RCAN3: variants seen among roughly 807,000 people sequenced by gnomAD.
The protein encoded by RCAN3 is calcipressin-3.
A neutral mutation model predicts 21.9 loss-of-function variants in RCAN3; 19 were observed. The ratio of observed to expected loss-of-function variants is 0.87; its 90% CI spans 0.61 to 1.27. The LOEUF (loss-of-function observed/expected upper bound fraction) is 1.27. Ranked by LOEUF, RCAN3 falls within the 50% of genes most tolerant of loss-of-function variation. The probability of loss-of-function intolerance (pLI) is 0.00; values close to 1 mark genes in which losing one functional copy is unlikely to be tolerated. For synonymous variants in RCAN3, 114 were observed against 112.3 expected (o/e 1.01, Z -0.09); for missense variants, 240 against 300.1 (o/e 0.80, Z 1.48).
In RCAN3 at chr1:24,535,241, G is replaced by A; in HGVS notation, c.690G>A (p.Ala230=). The A allele has an allele frequency of 1.9e-6, 3 of 1,578,454 alleles. No individual in the cohort carries two copies. The highest frequency in any genetic ancestry group is 2.3e-5 in the East Asian group (1 of 43,078). The part of the protein sequence containing the change: ...QTRRPDPPTA[A]LNEPQTFDCA... ...GGCGCCCCGACCCTCCGACCGCAGCGTTGAATGAGCCCCAGACCTTTGATT... is the reference window on the plus strand; with the variant it reads ...GGCGCCCCGACCCTCCGACCGCAGCATTGAATGAGCCCCAGACCTTTGATT... The change falls in exon 5 of 5, where the codon GCG becomes GCA. Residue 230 remains alanine (A), a synonymous_variant. Transcript: ENST00000374395.
At chr1:24,518,732 A>G (rs925867566) in intron 2 of RCAN3, among the ~76,000 whole-genome samples, 1 of 152,022 alleles carries the variant, frequency 6.6e-6, no homozygotes, top group Non-Finnish European at 1.5e-5. Context: ...AGCTGGGACT[A>G]TAGGCATGCA....
intron 2 of RCAN3, among the ~76,000 whole-genome samples, chr1:24,518,513 A>C (rs1469689873): frequency 6.6e-6 from 1 of 151,456 alleles, no homozygotes; most frequent in South Asian, 2.1e-4. Flanking sequence ...TTAGTGCTTC[A>C]TTTTTCTTTG....
chr1:24,516,319 A>C (rs1648318703), intron 2 of RCAN3, among the ~76,000 whole-genome samples: 1 of 152,104 alleles, frequency 6.6e-6, no homozygotes, highest in Admixed American at 6.6e-5. Flanking sequence ...AATAATAATA[A>C]TAATTTAAAT....
In RCAN3 at chr1:24,514,513, C is replaced by T. The variant is rs778507882; in HGVS notation, c.141C>T (p.Thr47=). Residue 47 remains threonine, a synonymous_variant, in exon 2 of 5, where the codon ACC becomes ACT. Coordinates refer to ENST00000374395, the MANE Select transcript of RCAN3 (RefSeq NM_013441.4). ...TGATGGATTTAAGTGATCTGCCTACCTCACTTTTTGCTTGCAGCGTCCATG... is the reference window on the plus strand; with the variant it reads ...TGATGGATTTAAGTGATCTGCCTACTTCACTTTTTGCTTGCAGCGTCCATG... ...DEMMDLSDLP[T]SLFACSVHEA... is the part of the protein sequence containing the mutation. 5.0e-6 allele frequency: 8 copies of T among 1,613,958 alleles called. No homozygotes were observed. The highest frequency in any genetic ancestry group is 6.8e-6 in the Non-Finnish European group (8 of 1,180,020).
intron 2 of RCAN3, among the ~76,000 whole-genome samples, chr1:24,522,901 C>T (rs1240016005): frequency 1.3e-5 from 2 of 152,174 alleles, no homozygotes; most frequent in African/African-American, 4.8e-5. Context: ...CCCATGTCTC[C>T]TCCCAGAGAT....
At chr1:24,505,381 AGGCGTGCACCATGTGTTTTTT>A (rs1202330011) in intron 1 of RCAN3, among the ~76,000 whole-genome samples, 2 of 151,538 alleles carry the variant, frequency 1.3e-5, no homozygotes, top group African/African-American at 4.8e-5. Context: ...CTGGGACTAC[AGGCGTGCACCATGTGTTTTTT>A]TGTAGAGACG....
In RCAN3 at chr1:24,536,391, C is replaced by T. The variant is rs1423089555; in HGVS notation, c.*1114C>T. ...TTTTCTTTTTGTTGAAATTTTGTAC[C>T]CGGATTGCAGTTGGCACTTTTCCTA... On this transcript the variant is annotated 3_prime_UTR_variant, in exon 5 of 5. Coordinates refer to ENST00000374395, the MANE Select transcript of RCAN3 (RefSeq NM_013441.4). The T allele has an allele frequency of 6.6e-6, 1 of 152,112 alleles. No individual in the cohort carries two copies. The highest frequency in any genetic ancestry group is 6.6e-5 in the Admixed American group (1 of 15,258). The allele number at this position is 152,112 out of a possible 1,614,324, so 9.4% of individuals were successfully genotyped here. A position where few individuals can be genotyped will look rare whatever the true frequency, so the allele number is the denominator to read the frequency against.
intron 2 of RCAN3, among the ~76,000 whole-genome samples, chr1:24,524,830 T>A (rs1022420413): frequency 3.3e-5 from 3 of 91,922 alleles, no homozygotes; most frequent in Non-Finnish European, 4.2e-5. Context: ...TTTCTTTTGT[T>A]TTTTTTTTTT....
intron 2 of RCAN3, among the ~76,000 whole-genome samples, chr1:24,530,517 G>A (rs893028724): frequency 3.3e-5 from 5 of 151,972 alleles, no homozygotes; most frequent in Admixed American, 2.0e-4. Context: ...GAAAAGCAAG[G>A]GAATGATAAA....
intron 2 of RCAN3, among the ~76,000 whole-genome samples, chr1:24,522,017 A>G (rs1648861523): frequency 6.6e-6 from 1 of 152,146 alleles, no homozygotes; most frequent in Admixed American, 6.5e-5. Flanking sequence ...TGTACTTAAT[A>G]CCACTGACTT....
rs1401921531 is a variant in RCAN3 at position 24,536,494 on chromosome 1, T to G, written c.*1217T>G. On this transcript the variant is annotated 3_prime_UTR_variant, in exon 5 of 5. Coordinates refer to ENST00000374395, the MANE Select transcript of RCAN3 (RefSeq NM_013441.4). ...AGAAGCAGCAGGATCTTTTTAACTC[T>G]CTCTGGTCTGTTTAGACTTTGAAGT... 1.3e-5 allele frequency: 2 copies of G among 152,228 alleles called. No homozygotes were observed. The highest frequency in any genetic ancestry group is 2.9e-5 in the Non-Finnish European group (2 of 68,042). The allele number at this position is 152,228 out of a possible 1,614,324, so 9.4% of individuals were successfully genotyped here. A position where few individuals can be genotyped will look rare whatever the true frequency, so the allele number is the denominator to read the frequency against.
intron 1 of RCAN3, among the ~76,000 whole-genome samples, chr1:24,506,004 C>T (rs1215704811): frequency 1.3e-5 from 2 of 152,226 alleles, no homozygotes; most frequent in Non-Finnish European, 2.9e-5. Context: ...GGAGTTTTTC[C>T]ACTCATTTGA....
chr1:24,514,862 G>A (rs982395536), intron 2 of RCAN3, among the ~76,000 whole-genome samples: 5 of 151,736 alleles, frequency 3.3e-5, no homozygotes, highest in Non-Finnish European at 2.9e-5. Flanking sequence ...CCAGCTACTC[G>A]CAGGGCTGAG....
intron 2 of RCAN3, among the ~76,000 whole-genome samples, chr1:24,530,879 C>T (rs537631412): frequency 2.3e-4 from 35 of 151,958 alleles, no homozygotes; most frequent in Non-Finnish European, 4.3e-4. Flanking sequence ...GCATGGTGGC[C>T]GGCCCCTATA....
chr1:24,538,716 T>G lies in RCAN3; in HGVS notation c.*3439T>G, dbSNP rs908517644. ...AGGCGTGAGCCACTGCGCCCGGCCT[T>G]AAATAAAATATTGTAGTCATTAATG... On this transcript the variant is annotated 3_prime_UTR_variant, in exon 5 of 5. Coordinates refer to ENST00000374395, the MANE Select transcript of RCAN3 (RefSeq NM_013441.4). The G allele has an allele frequency of 1.6e-4, 24 of 152,076 alleles. No homozygotes were observed. The highest frequency in any genetic ancestry group is 5.8e-4 in the African/African-American group (24 of 41,472). 9.4% of individuals were successfully genotyped at this position (152,076 alleles called of 1,614,324 possible).
chr1:24,521,668 T>C (rs1164013320), intron 2 of RCAN3, among the ~76,000 whole-genome samples: 1 of 152,106 alleles, frequency 6.6e-6, no homozygotes, highest in Non-Finnish European at 1.5e-5. Context: ...GCAAACATGA[T>C]GAAACCCCAC....
rs1398347987 is a variant in RCAN3 at position 24,514,469 on chromosome 1, G to T, written c.97G>T (p.Glu33Ter). 2.5e-6 allele frequency: 4 copies of T among 1,614,006 alleles called. No individual in the cohort carries two copies. The highest frequency in any genetic ancestry group is 2.5e-6 in the Non-Finnish European group (3 of 1,180,020). Residue 33 changes from glutamate (E) to a stop codon, truncating the protein, a stop_gained, in exon 2 of 5, where the codon GAA becomes TAA. Transcript: ENST00000374395. LOFTEE classifies it high-confidence loss of function. The part of the protein sequence containing the change: ...EEEEMIFGEN[E>*]DDLDEMMDLS... ...AGAAGAGATGATTTTTGGTGAAAAT[G>T]AAGATGATTTGGATGAGATGATGGA...
chr1:24,533,097 C>A lies in RCAN3; in HGVS notation c.384C>A (p.Gly128=), dbSNP rs34116411. Residue 128 remains glycine (G), a synonymous_variant, in exon 4 of 5, where the codon GGC becomes GGA. Coordinates refer to ENST00000374395, the MANE Select transcript of RCAN3 (RefSeq NM_013441.4). The part of the protein sequence containing the change: ...KLYFAQVQMS[G]EVRDKSYLLP... ...GCTCCCTGCAGGTGCAGATGTCCGG[C>A]GAAGTGCGGGACAAGTCCTATCTCC... The A allele has an allele frequency of 4.7e-6, 7 of 1,493,640 alleles. No individual in the cohort carries two copies. The highest frequency in any genetic ancestry group is 6.2e-6 in the Non-Finnish European group (7 of 1,122,742). 92.5% of individuals were successfully genotyped at this position (1,493,640 alleles called of 1,614,324 possible).
At position 24,513,015 on chromosome 1, in the gene RCAN3, A is replaced by G. The variant is rs182198179; in HGVS notation, c.-59-1299A>G. On this transcript the variant is annotated intron_variant, in intron 1 of 4. Coordinates refer to ENST00000374395, the MANE Select transcript of RCAN3 (RefSeq NM_013441.4). ...CGCTTTAGGAGGCCGAGTTGGGCGGATCACCAGGTCAGGAGATCGAGACCA... is the reference window on the plus strand; with the variant it reads ...CGCTTTAGGAGGCCGAGTTGGGCGGGTCACCAGGTCAGGAGATCGAGACCA... Among the ~76,000 whole-genome samples the G allele has an allele frequency of 1.4e-4, 21 of 152,240 alleles. No homozygotes were observed. The South Asian group carries it at 2.5e-3, about 18-fold the overall frequency.
Sources: allele counts gnomAD v4.1 joint callset (sites outside exome capture counted in the v4.1 genomes callset), GRCh38; gene constraint gnomAD v4.1.1; transcripts MANE v1.5; gene names NCBI Gene and HGNC (gene_info 2026-07-23, HGNC 2026-07-21).